Variants in FAM221B observed in about 807,000 individuals in gnomAD.
FAM221B encodes family with sequence similarity 221 member B.
In FAM221B, 35 loss-of-function variants were observed where a neutral mutation model predicts 39.8. The ratio of observed to expected loss-of-function variants is 0.88; its 90% CI spans 0.67 to 1.17. The LOEUF (loss-of-function observed/expected upper bound fraction) is 1.17, where lower values mean the gene tolerates loss of function less well. FAM221B is among the 50% of genes most tolerant of loss of function. The pLI, the probability that FAM221B is intolerant of heterozygous loss-of-function variation, is 0.00. For missense variants in FAM221B, 479 were observed against 503.1 expected (o/e 0.95, Z 0.46); for synonymous variants, 158 against 178.1 (o/e 0.89, Z 0.90).
chr9:35,825,295 A>G lies in FAM221B; in HGVS notation c.677T>C (p.Phe226Ser), dbSNP rs747398952. 2 of 1,614,262 alleles carry G rather than the reference A, an allele frequency of 1.2e-6. No homozygotes were observed. The highest frequency in any genetic ancestry group is 2.2e-5 in the East Asian group (1 of 44,892). Residue 226 changes from phenylalanine to serine, a missense_variant, in exon 3 of 7, where the codon TTT (phenylalanine) becomes TCT (serine). Phe to Ser is a radical substitution (Grantham distance 155). Coordinates refer to ENST00000423537, the MANE Select transcript of FAM221B (RefSeq NM_001012446.4). The surrounding 1 kb of genome is among the most constrained non-coding windows in gnomAD (Gnocchi z 4.2). ...GAAAAGATTGTTCACTTGAGCACCA[A>G]ACTCCTCTCTATGCATTGCCTTAGC... ...EVAKAMHREE[F>S]GAQVNNLFQW...
In FAM221B at chr9:35,825,414, G is replaced by C. The variant is rs182905476; in HGVS notation, c.599-41C>G. On this transcript the variant is annotated intron_variant, in intron 2 of 6. Transcript: ENST00000423537. The surrounding 1 kb of genome is among the most constrained non-coding windows in gnomAD (Gnocchi z 4.2). ...ATGAGTAACCAGGGGGAAGTGAGAA[G>C]GCCCTAAAACTAAGAGAAGGGGCCA... is the stretch of plus-strand genomic sequence containing the variant. 4 of 1,612,572 alleles carry C rather than the reference G, an allele frequency of 2.5e-6. No homozygotes were observed. In the African/African-American group the frequency reaches 5.3e-5, roughly 21 times the overall value.
chr9:35,827,659 T>C (rs1829429142), intron 1 of FAM221B, among the ~76,000 whole-genome samples: 1 of 152,184 alleles, frequency 6.6e-6, no homozygotes, highest in Non-Finnish European at 1.5e-5. Flanking sequence ...CATGACTCAG[T>C]CTAAAGGATT....
chr9:35,823,925 A>G (rs1257573837), intron 3 of FAM221B, among the ~76,000 whole-genome samples: 3 of 152,072 alleles, frequency 2.0e-5, no homozygotes, highest in African/African-American at 7.2e-5. Flanking sequence ...TCAGCCTCCC[A>G]AAGTTTTGGG....
chr9:35,828,577 A>G lies in FAM221B; in HGVS notation c.-115T>C. 2.0e-6 allele frequency: 2 copies of G among 985,482 alleles called. No homozygotes were observed. Among genetic ancestry groups the G allele is most frequent in the Non-Finnish European group, 2.4e-6 (2 of 829,976 alleles). The allele number at this position is 985,482 out of a possible 1,614,324, so 61.0% of individuals were successfully genotyped here. A position where few individuals can be genotyped will look rare whatever the true frequency, so the allele number is the denominator to read the frequency against. On this transcript the variant is annotated 5_prime_UTR_variant, in exon 1 of 7. Transcript: ENST00000423537. The surrounding 1 kb of genome is among the most constrained non-coding windows in gnomAD (Gnocchi z 4.5). ...AGGCTCTTGGTTGTGGATGTGCCTC[A>G]GCTGCAGGTGCTGAGTGTTGAAATG... is the stretch of plus-strand genomic sequence containing the variant.
chr9:35,820,059 C>T, intron 3 of FAM221B, 59 bp from the exon 4 acceptor site: 13 of 1,256,468 alleles, frequency 1.0e-5, no homozygotes, highest in African/African-American at 1.5e-5. Context: ...CCGAAGTGTT[C>T]TTACCTATCC....
chr9:35,824,769 C>T (rs559940383), intron 3 of FAM221B, among the ~76,000 whole-genome samples: 7 of 151,800 alleles, frequency 4.6e-5, no homozygotes, highest in East Asian at 3.9e-4. Flanking sequence ...GCAAGCTCCA[C>T]CTCCCGGGTT....
chr9:35,826,402 T>C (rs1217702317), intron 1 of FAM221B, among the ~76,000 whole-genome samples: 1 of 152,138 alleles, frequency 6.6e-6, no homozygotes, highest in Non-Finnish European at 1.5e-5. Flanking sequence ...AACTTAAAGA[T>C]TGAAAGACTG....
rs1419464107 is a variant in FAM221B at position 35,828,524 on chromosome 9, G to A, written c.-62C>T. On this transcript the variant is annotated 5_prime_UTR_variant, in exon 1 of 7. Transcript: ENST00000423537. The surrounding 1 kb of genome is among the most constrained non-coding windows in gnomAD (Gnocchi z 4.5). ...GTCAAGACCTTGACTTAGGATGGCA[G>A]GGGGAGGTGTTGATCCTCAGGGAGG... 1 of 985,376 alleles carries A rather than the reference G, an allele frequency of 1.0e-6. No homozygotes were observed. Among genetic ancestry groups the A allele is most frequent in the Non-Finnish European group, 1.2e-6 (1 of 829,970 alleles). 61.0% of individuals were successfully genotyped at this position (985,376 alleles called of 1,614,324 possible).
In FAM221B at chr9:35,825,362, G is replaced by C. The variant is rs943024291; in HGVS notation, c.610C>G (p.Arg204Gly). 6.8e-6 allele frequency: 11 copies of C among 1,613,994 alleles called. No individual in the cohort carries two copies. The highest frequency in any genetic ancestry group is 9.3e-6 in the Non-Finnish European group (11 of 1,180,050). The part of the protein sequence containing the change: ...QPGHQLGNTA[R>G]PVFPARQTEL... ...GTCTGCCTAGCAGGGAACACTGGGC[G>C]GGCTGTGTTACCTAGGATGGGAGAG... Residue 204 changes from arginine to glycine, a missense_variant, in exon 3 of 7, where the codon CGC becomes GGC. Transcript: ENST00000423537. The surrounding 1 kb of genome is among the most constrained non-coding windows in gnomAD (Gnocchi z 4.2).
intron 4 of FAM221B, 55 bp downstream of exon 4, chr9:35,819,834 TG>T: frequency 7.6e-7 from 1 of 1,323,498 alleles, no homozygotes; most frequent in Non-Finnish European, 1.1e-6. Context: ...TCCCAAGACA[TG>T]ACAGAGTACA....
rs1255308413 is a variant in FAM221B at position 35,821,643 on chromosome 9, T to C, written c.743-1643A>G. 6 of 1,364,882 alleles carry C rather than the reference T, an allele frequency of 4.4e-6. No individual in the cohort carries two copies. In the African/African-American group the frequency reaches 8.9e-5, roughly 20 times the overall value. 84.5% of individuals were successfully genotyped at this position (1,364,882 alleles called of 1,614,324 possible). A position where few individuals can be genotyped will look rare whatever the true frequency, so the allele number is the denominator to read the frequency against. ...CCGAATTCTGTCTGGAGTAGCAGGATACATTAAAAAAGCAGGAGGTGAGGC... is the reference window on the plus strand; with the variant it reads ...CCGAATTCTGTCTGGAGTAGCAGGACACATTAAAAAAGCAGGAGGTGAGGC... On this transcript the variant is annotated intron_variant, in intron 3 of 6. Coordinates refer to ENST00000423537, the MANE Select transcript of FAM221B (RefSeq NM_001012446.4).
chr9:35,822,644 G>C (rs1829176399), intron 3 of FAM221B, among the ~76,000 whole-genome samples: 1 of 152,120 alleles, frequency 6.6e-6, no homozygotes, highest in Non-Finnish European at 1.5e-5. Context: ...CCTAGCCTCA[G>C]GTGATCCACC....
chr9:35,818,293 C>A lies in FAM221B; in HGVS notation c.*176G>T. On this transcript the variant is annotated 3_prime_UTR_variant, in exon 7 of 7. Coordinates refer to ENST00000423537, the MANE Select transcript of FAM221B (RefSeq NM_001012446.4). ...CTTGAAGCCACTTTCCTTCAACAGG[C>A]AGCTTGAATGTGAGTGTGATGGAGG... The A allele has an allele frequency of 1.6e-6, 1 of 616,324 alleles. No individual in the cohort carries two copies. The highest frequency in any genetic ancestry group is 2.7e-5 in the Admixed American group (1 of 36,900). The allele number at this position is 616,324 out of a possible 1,614,324, so 38.2% of individuals were successfully genotyped here.
intron 3 of FAM221B, chr9:35,821,760 T>G: frequency 2.2e-6 from 1 of 451,150 alleles, no homozygotes; most frequent in Non-Finnish European, 3.9e-6. Context: ...TGAAGAAGAC[T>G]GGAGTTTGAA....
chr9:35,827,239 A>G (rs1036991366), intron 1 of FAM221B, among the ~76,000 whole-genome samples: 1 of 152,154 alleles, frequency 6.6e-6, no homozygotes, highest in Non-Finnish European at 1.5e-5. Context: ...TATCTTCTAA[A>G]TATTCCCCAA....
intron 3 of FAM221B, chr9:35,821,557 G>C (rs761321628): frequency 2.2e-6 from 3 of 1,367,928 alleles, no homozygotes; most frequent in Non-Finnish European, 9.8e-7. Flanking sequence ...TTTGTTGAGA[G>C]AGCAAGGTAT....
Position 35,819,399 on chromosome 9 carries a change from G to A in FAM221B, c.854-5C>T. The A allele has an allele frequency of 1.9e-6, 3 of 1,550,500 alleles. No individual in the cohort carries two copies. The highest frequency in any genetic ancestry group is 1.2e-5 in the South Asian group (1 of 84,024). On this transcript the variant is annotated splice_region_variant and splice_polypyrimidine_tract_variant and intron_variant, in intron 4 of 6. Transcript: ENST00000423537. ...CCTTGCAGGGCACCGATATGTCTGT[G>A]GGATTGGGGATGGATGGTAGGGTTA...
intron 3 of FAM221B, among the ~76,000 whole-genome samples, chr9:35,824,124 G>A (rs1829228631): frequency 1.3e-5 from 2 of 152,148 alleles, no homozygotes; most frequent in African/African-American, 4.8e-5. Flanking sequence ...TTACCTGCTT[G>A]TCTTTATGTT....
chr9:35,819,077 C>T (rs1829079155), intron 5 of FAM221B, 68 bp from the exon 6 acceptor site: 2 of 1,545,268 alleles, frequency 1.3e-6, no homozygotes, highest in Admixed American at 3.9e-5. Context: ...ACCACATTCT[C>T]ATCTCTTCCT....
Sources: gnomAD v4.1 joint callset for allele counts (sites outside exome capture counted in the v4.1 genomes callset) on GRCh38, gnomAD v4.1.1 for gene constraint, Gnocchi (gnomAD v3.1) non-coding constraint, MANE v1.5 for transcripts, NCBI Gene and HGNC (gene_info 2026-07-23, HGNC 2026-07-21) for gene names.